The following STK3 variants were observed in gnomAD, a reference collection of about 807,000 sequenced individuals.
STK3 encodes the protein serine/threonine kinase 3, also known as serine/threonine-protein kinase 3.
Under a neutral mutation model 58.0 loss-of-function variants are expected in STK3, and 41 were observed. That is an observed-to-expected ratio of 0.71 (90% CI 0.55 to 0.92). STK3 has a LOEUF of 0.92. STK3 is among the 40% of genes least tolerant of loss of function. The pLI, the probability that STK3 is intolerant of heterozygous loss-of-function variation, is 0.00. For missense variants in STK3, 479 were observed against 602.7 expected, an observed-to-expected ratio of 0.79 and a Z score of 2.15; for synonymous variants, 170 against 191.0, an observed-to-expected ratio of 0.89 and a Z score of 0.91.
intron 9 of STK3, among the ~76,000 whole-genome samples, chr8:98,542,637 G>A (rs1467173612): frequency 1.3e-5 from 2 of 152,164 alleles, no homozygotes; most frequent in African/African-American, 4.8e-5. Flanking sequence ...TCACCGCATG[G>A]GAAGCAGGGC....
At chr8:98,840,304 A>G (rs1475254939) in intron 3 of STK3, among the ~76,000 whole-genome samples, 1 of 146,238 alleles carries the variant, frequency 6.8e-6, no homozygotes. Context: ...CCAAGAACGC[A>G]CCACTCCACT....
At position 98,787,698 on chromosome 8, in the gene STK3, C is replaced by A. The variant is rs573608619; in HGVS notation, c.27-12879G>T. 2.6e-5 allele frequency among the ~76,000 whole-genome samples: 4 copies of A among 152,278 alleles called. No homozygotes were observed. The South Asian group carries it at 8.3e-4, about 32-fold the overall frequency. On this transcript the variant is annotated intron_variant, in intron 1 of 10. Transcript: ENST00000419617. The stretch of plus-strand genomic sequence containing the variant: ...CCATGAGGAAAAAGCACCAGGTAAC[C>A]TTTAAAGGAAAACCTATCAGATTAG...
At chr8:98,814,607 G>A (rs894966158) in intron 1 of STK3, among the ~76,000 whole-genome samples, 1 of 152,128 alleles carries the variant, frequency 6.6e-6, no homozygotes, top group South Asian at 2.1e-4. Flanking sequence ...CCCAGGCTCA[G>A]GCAATCCTTC....
At chr8:98,435,039 C>G (rs1353223848) in intron 2 of STK3, among the ~76,000 whole-genome samples, 1 of 152,212 alleles carries the variant, frequency 6.6e-6, no homozygotes, top group Admixed American at 6.5e-5. Flanking sequence ...GGACTGGCCC[C>G]CATCCCTGCT....
intron 3 of STK3, among the ~76,000 whole-genome samples, chr8:98,758,356 C>G (rs1055995463): frequency 2.0e-5 from 3 of 152,178 alleles, no homozygotes; most frequent in Admixed American, 6.5e-5. Flanking sequence ...AAAAAGAAAA[C>G]TTCAGACCAA....
chr8:98,628,714 A>G (rs1818929240), intron 6 of STK3, among the ~76,000 whole-genome samples: 1 of 151,704 alleles, frequency 6.6e-6, no homozygotes, highest in Admixed American at 6.6e-5. Context: ...AGGCAGAAGA[A>G]CAGCTTGAGG....
chr8:98,644,939 G>A (rs1820288550), intron 6 of STK3, among the ~76,000 whole-genome samples: 1 of 152,152 alleles, frequency 6.6e-6, no homozygotes, highest in Non-Finnish European at 1.5e-5. Flanking sequence ...CTGTTTACAT[G>A]TGTCTCTTTC....
chr8:98,744,967 A>G (rs547077260), intron 4 of STK3, among the ~76,000 whole-genome samples: 1 of 152,256 alleles, frequency 6.6e-6, no homozygotes, highest in East Asian at 1.9e-4. Context: ...CAGCTAGATT[A>G]AAGATGTAGG....
At chr8:98,638,805 C>T (rs1219698098) in intron 6 of STK3, among the ~76,000 whole-genome samples, 2 of 152,052 alleles carry the variant, frequency 1.3e-5, no homozygotes, top group Non-Finnish European at 2.9e-5. Flanking sequence ...ACATAGAGCA[C>T]AGAGGGGGTG....
intron 6 of STK3, among the ~76,000 whole-genome samples, chr8:98,696,189 T>A (rs567462395): frequency 7.5e-4 from 115 of 152,358 alleles, no homozygotes; most frequent in African/African-American, 2.7e-3. Context: ...ATGCTTGTGA[T>A]TTTTGCACAT....
At position 98,547,959 on chromosome 8, in the gene STK3, A is replaced by G. The variant is rs1200570153; in HGVS notation, c.1141+10T>C. The G allele has an allele frequency of 1.3e-6, 2 of 1,540,066 alleles. No individual in the cohort carries two copies. Among genetic ancestry groups the G allele is most frequent in the Non-Finnish European group, 1.7e-6 (2 of 1,143,936 alleles). ...AGAAAACTAATATTTAATGTAAAAA[A>G]GCCACATACTTTTCATAGTTCCATC... On this transcript the variant is annotated intron_variant, in intron 9 of 10. Coordinates refer to ENST00000419617, the MANE Select transcript of STK3 (RefSeq NM_006281.4).
At chr8:98,382,273 G>C (rs960500338) in intron 1 of STK3, among the ~76,000 whole-genome samples, 1 of 152,194 alleles carries the variant, frequency 6.6e-6, no homozygotes, top group Non-Finnish European at 1.5e-5. Flanking sequence ...AAGTGAACCT[G>C]GTGCTCCATT....
intron 3 of STK3, among the ~76,000 whole-genome samples, chr8:98,831,375 C>A (rs1308621214): frequency 6.6e-6 from 1 of 152,164 alleles, no homozygotes; most frequent in Non-Finnish European, 1.5e-5. Flanking sequence ...GCCTCAGCCT[C>A]CCAAGTAGCC....
At chr8:98,890,622 G>A (rs1838162121) in intron 1 of STK3, among the ~76,000 whole-genome samples, 1 of 152,150 alleles carries the variant, frequency 6.6e-6, no homozygotes, top group Non-Finnish European at 1.5e-5. Flanking sequence ...CACATAAATA[G>A]AAGTTTTCAC....
chr8:98,520,710 T>C (rs998752178), intron 10 of STK3, among the ~76,000 whole-genome samples: 3 of 152,032 alleles, frequency 2.0e-5, no homozygotes, highest in Non-Finnish European at 2.9e-5. Flanking sequence ...GGCCTCGAGA[T>C]GCATCATGAA....
intron 6 of STK3, among the ~76,000 whole-genome samples, chr8:98,656,234 G>A (rs1821504477): frequency 6.6e-6 from 1 of 151,386 alleles, no homozygotes; most frequent in Admixed American, 6.6e-5. Flanking sequence ...CTATCGCAAG[G>A]ACAAAAAACC....
At chr8:98,743,476 C>A (rs1482512836) in intron 4 of STK3, among the ~76,000 whole-genome samples, 2 of 152,058 alleles carry the variant, frequency 1.3e-5, no homozygotes, top group Non-Finnish European at 2.9e-5. Context: ...GAAAAACAAG[C>A]AATGGGGAAA....
chr8:98,528,937 T>G (rs1586786929), intron 9 of STK3, among the ~76,000 whole-genome samples: 2 of 152,206 alleles, frequency 1.3e-5, no homozygotes, highest in Admixed American at 1.3e-4. Context: ...ACATCCCCAG[T>G]TCCTTTCATA....
intron 2 of STK3, among the ~76,000 whole-genome samples, chr8:98,772,303 G>A (rs1831364961): frequency 6.6e-6 from 1 of 152,140 alleles, no homozygotes; most frequent in African/African-American, 2.4e-5. Flanking sequence ...CCTAATGTTG[G>A]AGATGGAACC....
Sources: gnomAD v4.1 joint callset for allele counts (sites outside exome capture counted in the v4.1 genomes callset) on GRCh38, gnomAD v4.1.1 for gene constraint, MANE v1.5 for transcripts, NCBI Gene and HGNC (gene_info 2026-07-23, HGNC 2026-07-21) for gene names.